The following NLE1 variants were observed in gnomAD, a reference collection of about 807,000 sequenced individuals.
NLE1 encodes notchless protein homolog 1.
A neutral mutation model predicts 62.8 loss-of-function variants in NLE1; 37 were observed. That is an observed-to-expected ratio of 0.59 (90% CI 0.45 to 0.78). NLE1 has a LOEUF of 0.78. Among genes scored for constraint, NLE1 ranks in the 30% least tolerant of loss-of-function variants. The probability of loss-of-function intolerance (pLI) is 0.00; values close to 1 mark genes in which losing one functional copy is unlikely to be tolerated. For missense variants in NLE1, 555 were observed against 637.9 expected (o/e 0.87, Z 1.40); for synonymous variants, 243 against 253.0 (o/e 0.96, Z 0.37).
In NLE1 at chr17:35,133,161, C is replaced by T. The variant is rs2091887377; in HGVS notation, c.1445+10G>A. On this transcript the variant is annotated intron_variant, in intron 12 of 12. Transcript: ENST00000442241. ...CTGTGTATGCCAACCACCACTTCCC[C>T]CACACTCACATCCGGAGGCATTTGT... 6.2e-7 allele frequency: 1 copy of T among 1,613,756 alleles called. No homozygotes were observed. Among genetic ancestry groups the T allele is most frequent in the African/African-American group, 1.3e-5 (1 of 75,030 alleles).
chr17:35,142,271 G>C lies in NLE1; in HGVS notation c.5C>G (p.Ala2Gly), dbSNP rs770095048. 6.5e-7 allele frequency: 1 copy of C among 1,542,218 alleles called. No individual in the cohort carries two copies. Residue 2 changes from alanine (A) to glycine (G), a missense_variant, in exon 1 of 13, where the codon GCG becomes GGG. Physicochemically the swap from Ala to Gly is moderately conservative, Grantham distance 60. Transcript: ENST00000442241. ...ACGCACACCCACCGGCACTGCTGCC[G>C]CCATCCTGCGTCCCCACGTGGAGGA... MAAAVPDEAVAR... is the reference protein window; with the variant it reads MGAAVPDEAVAR...
chr17:35,129,700 T>C lies in NLE1; in HGVS notation c.*2737A>G. The C allele has an allele frequency of 1.9e-6, 3 of 1,596,928 alleles. No individual in the cohort carries two copies. Among genetic ancestry groups the C allele is most frequent in the Non-Finnish European group, 2.6e-6 (3 of 1,172,294 alleles). On this transcript the variant is annotated 3_prime_UTR_variant, in exon 13 of 13. Transcript: ENST00000442241. ...GAGGGGCCTTGGGGGTGGAGAGAAG[T>C]CCAAAGCCAGGGAACCAGGGCTTTG...
chr17:35,129,154 G>A lies in NLE1; in HGVS notation c.*3283C>T. 1 of 393,176 alleles carries A rather than the reference G, an allele frequency of 2.5e-6. No individual in the cohort carries two copies. The highest frequency in any genetic ancestry group is 3.5e-5 in the South Asian group (1 of 28,636). 24.4% of individuals were successfully genotyped at this position (393,176 alleles called of 1,614,324 possible). A position where few individuals can be genotyped will look rare whatever the true frequency, so the allele number is the denominator to read the frequency against. Reference sequence around the variant, plus strand: ...GGCCATGGACTGCTATCAGTTGGTGGCCCAAGGGTTGAGGACCCCTGGCGT... The same window carrying A: ...GGCCATGGACTGCTATCAGTTGGTGACCCAAGGGTTGAGGACCCCTGGCGT... On this transcript the variant is annotated 3_prime_UTR_variant, in exon 13 of 13. Transcript: ENST00000442241.
intron 4 of NLE1, 41 bp downstream of exon 4, chr17:35,139,192 CAA>C: frequency 6.7e-7 from 1 of 1,497,470 alleles, no homozygotes; most frequent in Non-Finnish European, 9.2e-7. Flanking sequence ...GACCTTGTCT[CAA>C]AAAAAAAGAA....
Position 35,130,385 on chromosome 17 carries a change from C to G in NLE1, c.*2052G>C. ...CGGCAAAAGATCGTGTCCATCGGGCCGGAGGAGATGCGGAGGCTGGAGGAT... is the reference window on the plus strand; with the variant it reads ...CGGCAAAAGATCGTGTCCATCGGGCGGGAGGAGATGCGGAGGCTGGAGGAT... On this transcript the variant is annotated 3_prime_UTR_variant, in exon 13 of 13. Coordinates refer to ENST00000442241, the MANE Select transcript of NLE1 (RefSeq NM_018096.5). 2 of 1,614,120 alleles carry G rather than the reference C, an allele frequency of 1.2e-6. No individual in the cohort carries two copies. The highest frequency in any genetic ancestry group is 1.7e-6 in the Non-Finnish European group (2 of 1,179,990).
intron 2 of NLE1, among the ~76,000 whole-genome samples, chr17:35,140,403 A>G (rs1182130366): frequency 1.3e-5 from 2 of 151,346 alleles, no homozygotes; most frequent in East Asian, 3.9e-4. Flanking sequence ...TAAGTTTTAT[A>G]TTTTTAGTAG....
In NLE1 at chr17:35,136,231, G is replaced by A. The variant is rs199802215; in HGVS notation, c.965-16C>T. The A allele has an allele frequency of 4.1e-4, 663 of 1,613,866 alleles. No homozygotes were observed. The highest frequency in any genetic ancestry group is 5.2e-4 in the Non-Finnish European group (610 of 1,179,900). ...AACTCCTGCACTGTGACCAGGTACC[G>A]GAGGGGAGAAAAGGAGATGAGGAAG... On this transcript the variant is annotated splice_polypyrimidine_tract_variant and intron_variant, in intron 8 of 12. Coordinates refer to ENST00000442241, the MANE Select transcript of NLE1 (RefSeq NM_018096.5).
chr17:35,129,998 G>A lies in NLE1; in HGVS notation c.*2439C>T. 10 of 1,382,350 alleles carry A rather than the reference G, an allele frequency of 7.2e-6. No individual in the cohort carries two copies. Among genetic ancestry groups the A allele is most frequent in the Non-Finnish European group, 9.3e-6 (10 of 1,069,908 alleles). The allele number at this position is 1,382,350 out of a possible 1,614,324, so 85.6% of individuals were successfully genotyped here. A position where few individuals can be genotyped will look rare whatever the true frequency, so the allele number is the denominator to read the frequency against. On this transcript the variant is annotated 3_prime_UTR_variant, in exon 13 of 13. Transcript: ENST00000442241. Reference sequence around the variant, plus strand: ...ATTGAAAGAAATAGGGAAGACAAGAGGCTAAAGGGGGACGAAGAAGGGAAC... The same window carrying A: ...ATTGAAAGAAATAGGGAAGACAAGAAGCTAAAGGGGGACGAAGAAGGGAAC...
chr17:35,133,289 C>A (rs2091888283), intron 11 of NLE1, 48 bp from the exon 12 acceptor site: 4 of 1,614,012 alleles, frequency 2.5e-6, no homozygotes, highest in Non-Finnish European at 3.4e-6. Context: ...AGGGAGACAG[C>A]CAGCCAGGCT....
chr17:35,132,294 G>A lies in NLE1; in HGVS notation c.*143C>T, dbSNP rs2091880417. 2 of 614,268 alleles carry A rather than the reference G, an allele frequency of 3.3e-6. No homozygotes were observed. The highest frequency in any genetic ancestry group is 2.5e-6 in the Non-Finnish European group (1 of 398,146). The allele number at this position is 614,268 out of a possible 1,614,324, so 38.1% of individuals were successfully genotyped here. A position where few individuals can be genotyped will look rare whatever the true frequency, so the allele number is the denominator to read the frequency against. ...TGGGAAAACCCCATTCCGGTCTATC[G>A]AGGACAGCAGGCCACACGCATTCTC... On this transcript the variant is annotated 3_prime_UTR_variant, in exon 13 of 13. Coordinates refer to ENST00000442241, the MANE Select transcript of NLE1 (RefSeq NM_018096.5).
chr17:35,139,143 T>G, intron 4 of NLE1, 92 bp downstream of exon 4: 1 of 1,096,056 alleles, frequency 9.1e-7, no homozygotes, highest in South Asian at 1.4e-5. Flanking sequence ...AAGTGAGCTG[T>G]GACTGCACCA....
At chr17:35,133,290 C>T in intron 11 of NLE1, 49 bp from the exon 12 acceptor site, 1 of 1,614,166 alleles carries the variant, frequency 6.2e-7, no homozygotes, top group Non-Finnish European at 8.5e-7. Context: ...GGGAGACAGC[C>T]AGCCAGGCTC....
chr17:35,137,471 T>C (rs2091916024), intron 6 of NLE1, 72 bp downstream of exon 6: 13 of 1,265,426 alleles, frequency 1.0e-5, no homozygotes, highest in Admixed American at 1.9e-5. Context: ...AAAACTTCTA[T>C]GCATTGGGCA....
At chr17:35,134,768 T>C (rs1475414500) in intron 10 of NLE1, among the ~76,000 whole-genome samples, 2 of 152,016 alleles carry the variant, frequency 1.3e-5, no homozygotes, top group Admixed American at 6.5e-5. Flanking sequence ...TCCGTGTAAC[T>C]AGGCTGGGCA....
intron 2 of NLE1, among the ~76,000 whole-genome samples, chr17:35,140,984 G>GCC (rs1465366341): frequency 6.6e-6 from 1 of 152,204 alleles, no homozygotes; most frequent in Non-Finnish European, 1.5e-5. Context: ...GAACAACTAA[G>GCC]TAATTAGTTC....
intron 12 of NLE1, 67 bp downstream of exon 12, chr17:35,133,104 G>A: frequency 7.0e-7 from 1 of 1,429,282 alleles, no homozygotes; most frequent in East Asian, 2.3e-5. Flanking sequence ...GTAAGGGAAA[G>A]TGTGCACAGA....
chr17:35,140,492 G>T (rs2091936541), intron 2 of NLE1, among the ~76,000 whole-genome samples: 1 of 152,184 alleles, frequency 6.6e-6, no homozygotes, highest in South Asian at 2.1e-4. Context: ...GCCTCCCAAA[G>T]TGCTGGGATT....
In NLE1 at chr17:35,133,347, C is replaced by T. The variant is rs750583113; in HGVS notation, c.1366G>A (p.Ala456Thr). 47 of 1,614,116 alleles carry T rather than the reference C, an allele frequency of 2.9e-5. No individual in the cohort carries two copies. The highest frequency in any genetic ancestry group is 3.3e-4 in the Middle Eastern group (2 of 6,084). The stretch of plus-strand genomic sequence containing the variant: ...CTGAGGGTTGGCCCTACCTCATCCG[C>T]GTGGCCGGGCAGGTCCATGGCCAGC... ...QKLAMDLPGHADEVYAVDWSP... is the reference protein window; with the variant it reads ...QKLAMDLPGHTDEVYAVDWSP... The change falls in exon 11 of 13, where the codon GCG becomes ACG. Residue 456 changes from alanine to threonine, a missense_variant. Transcript: ENST00000442241.
chr17:35,132,959 C>T (rs904915548), intron 12 of NLE1, among the ~76,000 whole-genome samples: 4 of 152,022 alleles, frequency 2.6e-5, no homozygotes, highest in African/African-American at 4.8e-5. Flanking sequence ...GCGCCCTCTA[C>T]GAGGTGTCCT....
Sources: allele counts gnomAD v4.1 joint callset (sites outside exome capture counted in the v4.1 genomes callset), GRCh38; gene constraint gnomAD v4.1.1; transcripts MANE v1.5; gene names NCBI Gene and HGNC (gene_info 2026-07-23, HGNC 2026-07-21).